Variants in SPATA6 observed in about 807,000 individuals in gnomAD.
SPATA6 encodes spermatogenesis associated 6, also known as spermatogenesis-associated protein 6.
SPATA6 carries 56 observed loss-of-function variants against 65.3 expected under a neutral mutation model. That is an observed-to-expected ratio of 0.86 (90% confidence interval 0.69 to 1.07). The LOEUF is 1.07. Among genes scored for constraint, SPATA6 ranks in the 50% least tolerant of loss-of-function variants. The pLI, the probability that SPATA6 is intolerant of heterozygous loss-of-function variation, is 0.00. For missense variants in SPATA6, 590 were observed against 594.8 expected (o/e 0.99, Z 0.08); for synonymous variants, 199 against 213.2 (o/e 0.93, Z 0.58).
rs767848643 is a variant in SPATA6, at chr1:48,395,339, G to A, written c.796C>T (p.Pro266Ser). 1.9e-6 allele frequency: 3 copies of A among 1,558,828 alleles called. No homozygotes were observed. Among genetic ancestry groups the A allele is most frequent in the Admixed American group, 1.9e-5 (1 of 52,870 alleles). Residue 266 changes from proline (P) to serine (S), a missense_variant, in exon 8 of 13, where the codon CCC (proline) becomes TCC (serine). Physicochemically the swap from Pro to Ser is moderately conservative, Grantham distance 74. Transcript: ENST00000371847. The stretch of plus-strand genomic sequence containing the variant: ...GATCCCAATAAAGTATCAGCCCTGG[G>A]ACTTGGGGGATCAACCTAGAGGAAG... ...FVIRHVDPPS[P>S]RADTLLGSSG...
chr1:48,363,369 T>C (rs1288502012), intron 9 of SPATA6, among the ~76,000 whole-genome samples: 2 of 152,168 alleles, frequency 1.3e-5, no homozygotes, highest in African/African-American at 2.4e-5. Flanking sequence ...TCTTCAATAA[T>C]ACTGGCTTAG....
chr1:48,450,387 AAAT>A (rs1360182968), intron 3 of SPATA6, among the ~76,000 whole-genome samples: 3 of 152,100 alleles, frequency 2.0e-5, no homozygotes, highest in Admixed American at 2.0e-4. Flanking sequence ...AATTTCCAAA[AAAT>A]AATAACCACT....
At chr1:48,446,330 G>A (rs760614200) in intron 3 of SPATA6, among the ~76,000 whole-genome samples, 6 of 152,158 alleles carry the variant, frequency 3.9e-5, no homozygotes, top group Non-Finnish European at 7.4e-5. Context: ...GGATAGCAGG[G>A]AGGCTATTTA....
At chr1:48,364,024 T>G (rs182453307) in intron 9 of SPATA6, among the ~76,000 whole-genome samples, 1 of 152,232 alleles carries the variant, frequency 6.6e-6, no homozygotes, top group Admixed American at 6.5e-5. Flanking sequence ...CTTGTTCAAT[T>G]CCCACCTATG....
rs1020013119 is a variant in SPATA6 at position 48,403,976 on chromosome 1, T to A, written c.406-94A>T. 6 of 847,682 alleles carry A rather than the reference T, an allele frequency of 7.1e-6. No individual in the cohort carries two copies. The African/African-American group carries it at 1.1e-4, about 15-fold the overall frequency. The allele number at this position is 847,682 out of a possible 1,614,324, so 52.5% of individuals were successfully genotyped here. ...TATGACCTAAAGTAACAAACACCTG[T>A]CAAAGTTCAGCTGTTTCACTGTTAG... On this transcript the variant is annotated intron_variant, in intron 5 of 12. Transcript: ENST00000371847.
At chr1:48,359,391 C>A (rs1646745415) in intron 10 of SPATA6, among the ~76,000 whole-genome samples, 195 bp downstream of exon 10, 2 of 152,106 alleles carry the variant, frequency 1.3e-5, no homozygotes, top group African/African-American at 4.8e-5. Flanking sequence ...AATAAACTCA[C>A]ATATAGAGAA....
At chr1:48,350,961 T>C (rs1045840882) in intron 11 of SPATA6, among the ~76,000 whole-genome samples, 18 of 151,964 alleles carry the variant, frequency 1.2e-4, no homozygotes, top group Non-Finnish European at 2.5e-4. Context: ...AAATTGAGAT[T>C]CAAATATTGA....
At chr1:48,370,118 G>T (rs143363984) in intron 9 of SPATA6, among the ~76,000 whole-genome samples, 158 of 152,274 alleles carry the variant, frequency 1.0e-3, no homozygotes, top group African/African-American at 3.7e-3. Context: ...AAATTAGTGT[G>T]GGTGAGAATT....
At chr1:48,400,556 C>T (rs899501195) in intron 6 of SPATA6, among the ~76,000 whole-genome samples, 1 of 151,962 alleles carries the variant, frequency 6.6e-6, no homozygotes, top group Admixed American at 6.6e-5. Context: ...GTCTTCCTAA[C>T]TTTAATCACT....
At chr1:48,426,911 G>A (rs1201247641) in intron 3 of SPATA6, among the ~76,000 whole-genome samples, 3 of 150,360 alleles carry the variant, frequency 2.0e-5, no homozygotes, top group Non-Finnish European at 3.0e-5. Context: ...TAAAAACAGA[G>A]AAAAAAGTCA....
chr1:48,365,309 A>T (rs1408861070), intron 9 of SPATA6, among the ~76,000 whole-genome samples: 2 of 152,104 alleles, frequency 1.3e-5, no homozygotes, highest in Non-Finnish European at 2.9e-5. Flanking sequence ...TATGAACTTT[A>T]AAGTAGTTTT....
intron 9 of SPATA6, among the ~76,000 whole-genome samples, chr1:48,381,678 A>ATTT (rs1373865188): frequency 2.7e-5 from 1 of 37,704 alleles, no homozygotes; most frequent in South Asian, 1.7e-3. Flanking sequence ...GAATAGTTAA[A>ATTT]TTTTTTTTCT....
intron 10 of SPATA6, 148 bp downstream of exon 10, chr1:48,359,438 G>T: frequency 1.2e-6 from 1 of 855,436 alleles, no homozygotes; most frequent in Non-Finnish European, 1.7e-6. Flanking sequence ...TATCTAATAT[G>T]TAATATATTC....
At chr1:48,344,112 G>A (rs953545638) in intron 11 of SPATA6, 2 of 151,894 alleles carry the variant, frequency 1.3e-5, no homozygotes, top group Non-Finnish European at 1.5e-5. Context: ...GTCAATATAC[G>A]CTATGAAAAA....
chr1:48,451,422 G>T, intron 3 of SPATA6, 130 bp downstream of exon 3: 1 of 638,294 alleles, frequency 1.6e-6, no homozygotes, highest in Non-Finnish European at 2.5e-6. Flanking sequence ...GTATTAAAAA[G>T]TCTCAGCTCA....
chr1:48,433,114 T>G (rs1654560733), intron 3 of SPATA6, among the ~76,000 whole-genome samples: 1 of 152,176 alleles, frequency 6.6e-6, no homozygotes, highest in South Asian at 2.1e-4. Flanking sequence ...AGAATGGTAG[T>G]TGCAAGAGAC....
chr1:48,339,201 C>A (rs146500343), intron 11 of SPATA6, among the ~76,000 whole-genome samples: 1 of 151,998 alleles, frequency 6.6e-6, no homozygotes, highest in East Asian at 1.9e-4. Context: ...GAGGCTAATG[C>A]CCTAAAAAGA....
intron 9 of SPATA6, among the ~76,000 whole-genome samples, chr1:48,384,416 G>C (rs1210921545): frequency 2.2e-5 from 2 of 91,398 alleles, no homozygotes; most frequent in Admixed American, 1.1e-4. Flanking sequence ...GGGAGAGGGA[G>C]AGGGAGAGGG....
chr1:48,265,445 G>C, the SPATA6 span, among the ~76,000 whole-genome samples: 1 of 151,262 alleles, frequency 6.6e-6, no homozygotes, highest in Admixed American at 6.6e-5. Context: ...AAACCAAAAG[G>C]TATATAGTTC....
Sources: gnomAD v4.1 joint callset for allele counts (sites outside exome capture counted in the v4.1 genomes callset) on GRCh38, gnomAD v4.1.1 for gene constraint, MANE v1.5 for transcripts, NCBI Gene and HGNC (gene_info 2026-07-23, HGNC 2026-07-21) for gene names.